MAVS: variants seen among roughly 807,000 people sequenced by gnomAD.
MAVS encodes the protein mitochondrial antiviral-signaling protein.
A neutral mutation model predicts 30.2 loss-of-function variants in MAVS; 20 were observed. The observed-to-expected ratio is 0.66, with a 90% CI of 0.47 to 0.96. MAVS has a LOEUF of 0.96. MAVS is among the 40% of genes least tolerant of loss of function. The pLI is 0.00. For missense variants in MAVS, 624 were observed against 701.1 expected (o/e 0.89, Z 1.24); for synonymous variants, 278 against 293.9 (o/e 0.95, Z 0.55).
chr20:3,870,634 TAAAAAAAAAAAAAAAAAAAAAAAAAAAAA>T lies in MAVS; in HGVS notation c.*4501_*4529del, dbSNP rs58186808. The T allele has an allele frequency of 2.4e-4, 7 of 29,484 alleles. No homozygotes were observed. Among genetic ancestry groups the T allele is most frequent in the South Asian group, 2.2e-3 (1 of 450 alleles). The allele number at this position is 29,484 out of a possible 1,614,324, so 1.8% of individuals were successfully genotyped here. On this transcript the variant is annotated 3_prime_UTR_variant, in exon 7 of 7. Coordinates refer to ENST00000428216, the MANE Select transcript of MAVS (RefSeq NM_020746.5). ...GGGCAACAAAGCAAGACCCTATCTC[TAAAAAAAAAAAAAAAAAAAAAAAAAAAAA>T]AAAAAAAAAAAAATCTAGGAGATGC...
rs1250561280 is a variant in MAVS, at chr20:3,865,397, C to T, written c.1159-286C>T. On this transcript the variant is annotated intron_variant, in intron 6 of 6. Coordinates refer to ENST00000428216, the MANE Select transcript of MAVS (RefSeq NM_020746.5). The surrounding 1 kb of genome is among the most constrained non-coding windows in gnomAD (Gnocchi z 4.7). ...TAGTTCTCAGGCCCAGGCAGGATGT[C>T]AGTGCAGGATGGAGCCCCGCCCTAC... 6.6e-6 allele frequency among the ~76,000 whole-genome samples: 1 copy of T among 152,174 alleles called. No homozygotes were observed. The highest frequency in any genetic ancestry group is 1.5e-5 in the Non-Finnish European group (1 of 68,034).
Position 3,874,441 on chromosome 20 carries a change from C to T in MAVS, c.*8294C>T. The stretch of plus-strand genomic sequence containing the variant: ...TGGTCAAAGTTTGCAAAGGAGTCAG[C>T]CATGATTGCTTGTATTTGGCAGGGG... On this transcript the variant is annotated 3_prime_UTR_variant, in exon 7 of 7. Coordinates refer to ENST00000428216, the MANE Select transcript of MAVS (RefSeq NM_020746.5). 2.6e-6 allele frequency: 1 copy of T among 386,756 alleles called. No individual in the cohort carries two copies. The highest frequency in any genetic ancestry group is 4.6e-6 in the Non-Finnish European group (1 of 218,800). 24.0% of individuals were successfully genotyped at this position (386,756 alleles called of 1,614,324 possible). A position where few individuals can be genotyped will look rare whatever the true frequency, so the allele number is the denominator to read the frequency against.
At position 3,852,586 on chromosome 20, in the gene MAVS, C is replaced by T. The variant is rs192830208; in HGVS notation, c.-67-1972C>T. 8.3e-4 allele frequency among the ~76,000 whole-genome samples: 127 copies of T among 152,254 alleles called. 1 individual carries two copies. The Middle Eastern group carries it at 0.014, about 16-fold the overall frequency. On this transcript the variant is annotated intron_variant, in intron 1 of 6. Transcript: ENST00000428216. ...AAACTAGGGTCACATACAGATCCCC[C>T]CACCGCATGTGCTAGGGGTACATGC...
Position 3,875,488 on chromosome 20 carries a change from A to AC in MAVS, c.*9341_*9342insC, listed in dbSNP as rs2089984843. On this transcript the variant is annotated 3_prime_UTR_variant, in exon 7 of 7. Coordinates refer to ENST00000428216, the MANE Select transcript of MAVS (RefSeq NM_020746.5). Reference sequence around the variant, plus strand: ...GCTGTTTTTATTTAAAAAAAAAAAAAACCAGCCAAAACCACAACTTTTTAC... The same window carrying AC: ...GCTGTTTTTATTTAAAAAAAAAAAAACACCAGCCAAAACCACAACTTTTTAC... 1 of 151,598 alleles carries AC rather than the reference A, an allele frequency of 6.6e-6. No individual in the cohort carries two copies. The highest frequency in any genetic ancestry group is 1.5e-5 in the Non-Finnish European group (1 of 67,840). 9.4% of individuals were successfully genotyped at this position (151,598 alleles called of 1,614,324 possible).
intron 1 of MAVS, among the ~76,000 whole-genome samples, chr20:3,853,723 G>A (rs1414228637): frequency 6.6e-6 from 1 of 152,036 alleles, no homozygotes; most frequent in African/African-American, 2.4e-5. Context: ...GAGCCCACGA[G>A]TTCGAGGCTG....
At chr20:3,860,373 ATT>A (rs36084316) in intron 3 of MAVS, among the ~76,000 whole-genome samples, 12 of 125,040 alleles carry the variant, frequency 9.6e-5, no homozygotes, top group East Asian at 2.4e-4. Context: ...GATTCCTTCT[ATT>A]TTTTTTTTTT....
intron 1 of MAVS, among the ~76,000 whole-genome samples, chr20:3,852,007 T>TC (rs763081981): frequency 9.3e-4 from 53 of 57,052 alleles, no homozygotes; most frequent in South Asian, 1.9e-3. Flanking sequence ...TTTTTTTTTT[T>TC]CCCCCGAGAC....
intron 3 of MAVS, among the ~76,000 whole-genome samples, chr20:3,860,891 G>A (rs981525616): frequency 6.6e-6 from 1 of 152,084 alleles, no homozygotes. Context: ...TGGCCAGGCT[G>A]GTCTTGAACT....
chr20:3,849,210 T>C (rs1345232092), intron 1 of MAVS, among the ~76,000 whole-genome samples: 1 of 151,160 alleles, frequency 6.6e-6, no homozygotes, highest in Non-Finnish European at 1.5e-5. Flanking sequence ...TTGCTTGCTT[T>C]TTTTTTTTTT....
Position 3,862,449 on chromosome 20 carries a change from ATCTCTCAAGTG to A in MAVS, c.625+37_625+47del, listed in dbSNP as rs760770611. The A allele has an allele frequency of 2.7e-5, 43 of 1,591,318 alleles. No homozygotes were observed. The East Asian group carries it at 9.1e-4, about 34-fold the overall frequency. On this transcript the variant is annotated intron_variant, in intron 5 of 6. Transcript: ENST00000428216. ...AATCTGGAATTATAGGGTCCTTCTG[ATCTCTCAAGTG>A]AGGGTAAGAATTAGAGTTGCCCCAT... is the stretch of plus-strand genomic sequence containing the variant.
intron 3 of MAVS, among the ~76,000 whole-genome samples, chr20:3,858,251 C>T (rs187853588): frequency 6.6e-6 from 1 of 152,024 alleles, no homozygotes; most frequent in Non-Finnish European, 1.5e-5. Flanking sequence ...CTTCCCCTCC[C>T]CTGGTTTACC....
intron 3 of MAVS, among the ~76,000 whole-genome samples, chr20:3,858,564 C>G (rs1012518262): frequency 4.0e-5 from 6 of 151,248 alleles, no homozygotes; most frequent in Admixed American, 3.3e-4. Context: ...ACTCAGGAGG[C>G]CGAGGCAGGA....
chr20:3,851,847 C>T (rs559474196), intron 1 of MAVS, among the ~76,000 whole-genome samples: 1 of 151,994 alleles, frequency 6.6e-6, no homozygotes, highest in Admixed American at 6.6e-5. Context: ...TCCAGCTACT[C>T]AGGAGGCTGA....
At chr20:3,861,859 C>T (rs1010598578) in intron 4 of MAVS, among the ~76,000 whole-genome samples, 1 of 152,106 alleles carries the variant, frequency 6.6e-6, no homozygotes, top group African/African-American at 2.4e-5. Context: ...GGTCATTCTC[C>T]TGCCTCAGCC....
At chr20:3,859,874 T>G (rs1021371506) in intron 3 of MAVS, among the ~76,000 whole-genome samples, 1 of 151,918 alleles carries the variant, frequency 6.6e-6, no homozygotes, top group Admixed American at 6.6e-5. Flanking sequence ...TGGAGTGCAG[T>G]GGTGCCATCT....
chr20:3,874,541 T>C lies in MAVS; in HGVS notation c.*8394T>C, dbSNP rs1353063984. 4.0e-5 allele frequency: 10 copies of C among 249,112 alleles called. No homozygotes were observed. The highest frequency in any genetic ancestry group is 6.9e-5 in the Non-Finnish European group (9 of 131,070). 15.4% of individuals were successfully genotyped at this position (249,112 alleles called of 1,614,324 possible). On this transcript the variant is annotated 3_prime_UTR_variant, in exon 7 of 7. Coordinates refer to ENST00000428216, the MANE Select transcript of MAVS (RefSeq NM_020746.5). ...GCTCTGGGTGTGCTGTGATTGGAGA[T>C]TGTTGGCATGGGGACAGAGCGGACT...
At chr20:3,852,869 T>C (rs1353453652) in intron 1 of MAVS, among the ~76,000 whole-genome samples, 1 of 136,430 alleles carries the variant, frequency 7.3e-6, no homozygotes, top group African/African-American at 2.7e-5. Flanking sequence ...AGACGGAGTC[T>C]CACTCTGCCG....
At chr20:3,854,376 G>A (rs2089790595) in intron 1 of MAVS, among the ~76,000 whole-genome samples, 182 bp from the exon 2 acceptor site, 1 of 136,444 alleles carries the variant, frequency 7.3e-6, no homozygotes, top group Admixed American at 8.3e-5. Flanking sequence ...AGTGAGCCGA[G>A]ATTGCCCCAC....
chr20:3,850,057 T>A (rs545822788), intron 1 of MAVS, among the ~76,000 whole-genome samples: 1 of 151,178 alleles, frequency 6.6e-6, no homozygotes, highest in Non-Finnish European at 1.5e-5. Flanking sequence ...GGCGGGCAGA[T>A]CACGAGGTCA....
Sources: gnomAD v4.1 joint callset for allele counts (sites outside exome capture counted in the v4.1 genomes callset) on GRCh38, gnomAD v4.1.1 for gene constraint, Gnocchi (gnomAD v3.1) non-coding constraint, MANE v1.5 for transcripts, NCBI Gene and HGNC (gene_info 2026-07-23, HGNC 2026-07-21) for gene names.